Variants in PCDHGB3 observed in about 807,000 individuals in gnomAD.
PCDHGB3 encodes protocadherin gamma-B3.
Under a neutral mutation model 59.2 loss-of-function variants are expected in PCDHGB3, and 40 were observed. The observed-to-expected ratio is 0.68, with a 90% CI of 0.52 to 0.88. The LOEUF (loss-of-function observed/expected upper bound fraction) is 0.88, where lower values mean the gene tolerates loss of function less well. Among genes scored for constraint, PCDHGB3 ranks in the 40% least tolerant of loss-of-function variants. The probability of loss-of-function intolerance (pLI) is 0.00; values close to 1 mark genes in which losing one functional copy is unlikely to be tolerated. For synonymous variants in PCDHGB3, 581 were observed against 503.6 expected, an observed-to-expected ratio of 1.15 and a Z score of -2.06; for missense variants, 1,309 against 1,187.9, an observed-to-expected ratio of 1.10 and a Z score of -1.50.
chr5:141,471,786 A>AT (rs531568169), intron 1 of PCDHGB3, among the ~76,000 whole-genome samples: 23 of 152,362 alleles, frequency 1.5e-4, no homozygotes, highest in African/African-American at 5.5e-4. Flanking sequence ...ACATTATGCT[A>AT]TGTCATATAA....
rs765586654 is a variant in PCDHGB3 at position 141,421,994 on chromosome 5, T to C, written c.2415+49185T>C. 8 of 1,608,922 alleles carry C rather than the reference T, an allele frequency of 5.0e-6. No homozygotes were observed. In the African/African-American group the frequency reaches 5.4e-5, roughly 11 times the overall value. On this transcript the variant is annotated intron_variant, in intron 1 of 3. Coordinates refer to ENST00000576222, the MANE Select transcript of PCDHGB3 (RefSeq NM_018924.5). ...TATCGCGTGAGTGTTCCAGAAAACA[T>C]CAGCTCCGGAACTCGGGTGCTGATG...
intron 1 of PCDHGB3, chr5:141,383,482 G>T (rs908975143): frequency 6.2e-7 from 1 of 1,613,500 alleles, no homozygotes; most frequent in Non-Finnish European, 8.5e-7. Context: ...CCCGGAACTG[G>T]TGCTGGAGCG....
rs111388524 is a variant in PCDHGB3, at chr5:141,376,009, A to C, written c.2415+3200A>C. On this transcript the variant is annotated intron_variant, in intron 1 of 3. Transcript: ENST00000576222. ...ACAGAGACGCGCTCAAGCAGAGCCTAGTGGTGGCCGTCCAGGACCACGGCC... is the reference window on the plus strand; with the variant it reads ...ACAGAGACGCGCTCAAGCAGAGCCTCGTGGTGGCCGTCCAGGACCACGGCC... 13,464 of 1,612,162 alleles carry C rather than the reference A, an allele frequency of 8.4e-3. 162 individuals carry two copies. The highest frequency in any genetic ancestry group is 0.039 in the African/African-American group (2,956 of 74,982).
At chr5:141,408,776 C>A in intron 1 of PCDHGB3, 2 of 1,611,684 alleles carry the variant, frequency 1.2e-6, no homozygotes, top group Non-Finnish European at 1.7e-6. Flanking sequence ...TGGCAAATAC[C>A]CAGAGTTATC....
At chr5:141,418,672 G>A (rs1170411469) in intron 1 of PCDHGB3, 3 of 1,614,022 alleles carry the variant, frequency 1.9e-6, no homozygotes, top group Non-Finnish European at 2.5e-6. Context: ...ACCAGGACGA[G>A]GGCATCAACT....
chr5:141,375,597 T>C, intron 1 of PCDHGB3: 4 of 1,614,160 alleles, frequency 2.5e-6, no homozygotes, highest in Non-Finnish European at 3.4e-6. Flanking sequence ...TCCTCCTACG[T>C]GTCCATCAAC....
intron 1 of PCDHGB3, chr5:141,410,538 T>TG (rs768720792): frequency 8.1e-6 from 13 of 1,613,830 alleles, no homozygotes; most frequent in Non-Finnish European, 1.1e-5. Flanking sequence ...AATGAAGACA[T>TG]GGTTTGCAGT....
chr5:141,451,565 C>A (rs1336048717), intron 1 of PCDHGB3, among the ~76,000 whole-genome samples: 2 of 152,062 alleles, frequency 1.3e-5, no homozygotes, highest in South Asian at 2.1e-4. Flanking sequence ...AAGCCACAAT[C>A]TTTTTATAAA....
At chr5:141,462,100 G>T (rs1202526885) in intron 1 of PCDHGB3, among the ~76,000 whole-genome samples, 1 of 152,164 alleles carries the variant, frequency 6.6e-6, no homozygotes, top group Non-Finnish European at 1.5e-5. Flanking sequence ...TGGGATTACA[G>T]GCATGAGCCA....
intron 1 of PCDHGB3, among the ~76,000 whole-genome samples, chr5:141,445,415 C>A (rs1235584061): frequency 6.6e-6 from 1 of 152,140 alleles, no homozygotes; most frequent in Non-Finnish European, 1.5e-5. Context: ...TAACTGTCTG[C>A]TATATGCAAG....
rs537850909 is a variant in PCDHGB3 at position 141,441,865 on chromosome 5, G to A, written c.2416-52942G>A. ...CTTGGATATGGTGCTGCACGCCGCG[G>A]AGCCTGGCTACCTGGTCACCAAGGT... On this transcript the variant is annotated intron_variant, in intron 1 of 3. Coordinates refer to ENST00000576222, the MANE Select transcript of PCDHGB3 (RefSeq NM_018924.5). The A allele has an allele frequency of 4.0e-4, 138 of 345,718 alleles. 1 individual carries two copies. The Admixed American group carries it at 4.6e-3, about 12-fold the overall frequency. The allele number at this position is 345,718 out of a possible 1,614,324, so 21.4% of individuals were successfully genotyped here. A position where few individuals can be genotyped will look rare whatever the true frequency, so the allele number is the denominator to read the frequency against.
intron 1 of PCDHGB3, among the ~76,000 whole-genome samples, 197 bp downstream of exon 1, chr5:141,373,006 G>GCCT (rs775944130): frequency 4.6e-5 from 7 of 152,146 alleles, no homozygotes; most frequent in Non-Finnish European, 8.8e-5. Context: ...TTCATAGAAA[G>GCCT]CCTCCTTTTG....
At position 141,431,566 on chromosome 5, in the gene PCDHGB3, T is replaced by G; in HGVS notation, c.2415+58757T>G. ...TGCTTGTAGTCAACGCTACCGACCCTGACGAAGGAGTCAATGCGGAAGTGA... is the reference window on the plus strand; with the variant it reads ...TGCTTGTAGTCAACGCTACCGACCCGGACGAAGGAGTCAATGCGGAAGTGA... On this transcript the variant is annotated intron_variant, in intron 1 of 3. Transcript: ENST00000576222. This position sits in a 1 kb window ranked among gnomAD's most constrained non-coding sequence, Gnocchi z 4.8. 6.2e-7 allele frequency: 1 copy of G among 1,614,128 alleles called. No homozygotes were observed. The highest frequency in any genetic ancestry group is 1.1e-5 in the South Asian group (1 of 91,088).
chr5:141,415,649 A>G (rs1179309556), intron 1 of PCDHGB3: 1 of 1,597,606 alleles, frequency 6.3e-7, no homozygotes, highest in Non-Finnish European at 8.5e-7. Context: ...GTTAAAAAAA[A>G]AAAGATTGGT....
chr5:141,423,233 TC>T, intron 1 of PCDHGB3: 1 of 1,613,860 alleles, frequency 6.2e-7, no homozygotes, highest in Non-Finnish European at 8.5e-7. Flanking sequence ...GCCGACAGCA[TC>T]CCCGAAGTCC....
intron 1 of PCDHGB3, chr5:141,414,158 G>A (rs1167529832): frequency 6.2e-7 from 1 of 1,602,572 alleles, no homozygotes; most frequent in Non-Finnish European, 8.5e-7. Flanking sequence ...GCAGAAGATG[G>A]AGGAGCATAT....
chr5:141,497,032 T>C (rs1206131945), intron 2 of PCDHGB3, among the ~76,000 whole-genome samples: 1 of 151,652 alleles, frequency 6.6e-6, no homozygotes, highest in East Asian at 1.9e-4. Flanking sequence ...CGATTAAAAA[T>C]ACAAAAATTA....
Position 141,489,088 on chromosome 5 carries a change from G to GCCA in PCDHGB3, c.2416-5719_2416-5718insCCA. ...CCCCTGCCCACCCCCGCCACTCGGTGACTAAGAACTGCTGCAAGCAGGCAA... is the reference window on the plus strand; with the variant it reads ...CCCCTGCCCACCCCCGCCACTCGGTGCCAACTAAGAACTGCTGCAAGCAGGCAA... On this transcript the variant is annotated intron_variant, in intron 1 of 3. Coordinates refer to ENST00000576222, the MANE Select transcript of PCDHGB3 (RefSeq NM_018924.5). This position sits in a 1 kb window ranked among gnomAD's most constrained non-coding sequence, Gnocchi z 4.5. The GCCA allele has an allele frequency of 2.9e-6, 1 of 347,238 alleles. No individual in the cohort carries two copies. 21.5% of individuals were successfully genotyped at this position (347,238 alleles called of 1,614,324 possible). A position where few individuals can be genotyped will look rare whatever the true frequency, so the allele number is the denominator to read the frequency against.
chr5:141,375,417 C>T, intron 1 of PCDHGB3: 3 of 1,613,976 alleles, frequency 1.9e-6, no homozygotes, highest in Non-Finnish European at 2.5e-6. Context: ...GTGGCAGACA[C>T]CAACGACAAC....
Sources: gnomAD v4.1 joint callset for allele counts (sites outside exome capture counted in the v4.1 genomes callset) on GRCh38, gnomAD v4.1.1 for gene constraint, Gnocchi (gnomAD v3.1) non-coding constraint, MANE v1.5 for transcripts, NCBI Gene and HGNC (gene_info 2026-07-23, HGNC 2026-07-21) for gene names.